PAX2: variants seen among roughly 807,000 people sequenced by gnomAD.
The protein encoded by PAX2 is paired box protein Pax-2.
PAX2 carries 9 observed loss-of-function variants against 41.7 expected under a neutral mutation model. The ratio of observed to expected loss-of-function variants is 0.22; its 90% CI spans 0.13 to 0.38. The LOEUF is 0.38. Among genes scored for constraint, PAX2 ranks in the 10% least tolerant of loss-of-function variants. PAX2 has a pLI of 1.00. For missense variants in PAX2, 418 were observed against 531.6 expected (o/e 0.79, Z 2.10); for synonymous variants, 221 against 212.7 (o/e 1.04, Z -0.34).
rs1257069114 is a variant in PAX2, at chr10:100,828,963, G to C, written c.*1344G>C. 5.9e-6 allele frequency: 1 copy of C among 169,514 alleles called. No homozygotes were observed. The highest frequency in any genetic ancestry group is 2.4e-5 in the African/African-American group (1 of 40,908). 10.5% of individuals were successfully genotyped at this position (169,514 alleles called of 1,614,324 possible). A position where few individuals can be genotyped will look rare whatever the true frequency, so the allele number is the denominator to read the frequency against. On this transcript the variant is annotated 3_prime_UTR_variant, in exon 10 of 10. Transcript: ENST00000355243. The surrounding 1 kb of genome is among the most constrained non-coding windows in gnomAD (Gnocchi z 6.5). ...CCCGTAGAGTCCCTGTCGCCCGCCG[G>C]CCCTGCCTGTAGATACGCCCCGCTG...
intron 3 of PAX2, among the ~76,000 whole-genome samples, chr10:100,754,707 A>G (rs762635648): frequency 4.6e-5 from 7 of 152,210 alleles, no homozygotes; most frequent in African/African-American, 1.2e-4. Flanking sequence ...GCTGGGAGCT[A>G]TTAATCCTAG....
intron 7 of PAX2, among the ~76,000 whole-genome samples, chr10:100,814,511 T>C (rs898885097): frequency 1.3e-5 from 2 of 152,200 alleles, no homozygotes; most frequent in African/African-American, 4.8e-5. Context: ...GATTATTGCT[T>C]TGGGGTCCAG....
intron 3 of PAX2, among the ~76,000 whole-genome samples, chr10:100,763,442 T>A (rs548096244): frequency 6.6e-6 from 1 of 152,330 alleles, no homozygotes; most frequent in Non-Finnish European, 1.5e-5. Flanking sequence ...TTAGAAAGCA[T>A]CTTTGATGTG....
At chr10:100,759,655 C>T (rs757992230) in intron 3 of PAX2, among the ~76,000 whole-genome samples, 1 of 152,190 alleles carries the variant, frequency 6.6e-6, no homozygotes, top group Admixed American at 6.5e-5. Flanking sequence ...AGGGACAGGA[C>T]CGGTGGCTCC....
chr10:100,781,274 C>T lies in PAX2; in HGVS notation c.525C>T (p.Ser175=). The change falls in exon 5 of 10, where the codon TCC becomes TCT. Residue 175 remains serine (S), a synonymous_variant. Transcript: ENST00000355243. The part of the protein sequence containing the change: ...IVPSTASPPV[S]SASNDPVGSY... ...CCAGCACGGCCTCCCCTCCTGTTTC[C>T]AGCGCCTCCAATGACCCAGTGGGAT... 1 of 1,613,848 alleles carries T rather than the reference C, an allele frequency of 6.2e-7. No homozygotes were observed. Among genetic ancestry groups the T allele is most frequent in the Non-Finnish European group, 8.5e-7 (1 of 1,179,730 alleles).
Position 100,750,586 on chromosome 10 carries a change from C to A in PAX2, c.213-108C>A. On this transcript the variant is annotated intron_variant, in intron 2 of 9. Transcript: ENST00000355243. The surrounding 1 kb of genome is among the most constrained non-coding windows in gnomAD (Gnocchi z 4.1). The stretch of plus-strand genomic sequence containing the variant: ...CCACACTGGGCCTTTTCCCTCCACT[C>A]CGCTGCCTCGGCCGGGCAGGAGAGT... 9.9e-7 allele frequency: 1 copy of A among 1,006,156 alleles called. No homozygotes were observed. The highest frequency in any genetic ancestry group is 2.6e-4 in the Middle Eastern group (1 of 3,850). The allele number at this position is 1,006,156 out of a possible 1,614,324, so 62.3% of individuals were successfully genotyped here. A position where few individuals can be genotyped will look rare whatever the true frequency, so the allele number is the denominator to read the frequency against.
upstream of PAX2, among the ~76,000 whole-genome samples, chr10:100,741,539 G>T (rs755329378): frequency 2.0e-5 from 3 of 152,162 alleles, no homozygotes; most frequent in Non-Finnish European, 4.4e-5. Flanking sequence ...TCTGCGGAAG[G>T]GGCTGGGGTG....
At chr10:100,796,261 T>C (rs531441275) in intron 5 of PAX2, among the ~76,000 whole-genome samples, 2 of 152,244 alleles carry the variant, frequency 1.3e-5, no homozygotes, top group Non-Finnish European at 2.9e-5. Flanking sequence ...CTTTCTTTTT[T>C]GTGTATATAT....
rs187143731 is a variant in PAX2, at chr10:100,799,979, G to T, written c.617-6451G>T. The stretch of plus-strand genomic sequence containing the variant: ...TTTTTGTATTTTTAGTAGAGATGGG[G>T]TTTTACCATGTTGGCCAGGCTGGTC... On this transcript the variant is annotated intron_variant, in intron 5 of 9. Transcript: ENST00000355243. Among the ~76,000 whole-genome samples, 172 of 151,992 alleles carry T rather than the reference G, an allele frequency of 1.1e-3. 2 individuals are homozygous for T. The highest frequency in any genetic ancestry group is 6.8e-3 in the Middle Eastern group (2 of 294).
At chr10:100,785,875 T>C (rs1846832254) in intron 5 of PAX2, among the ~76,000 whole-genome samples, 1 of 152,184 alleles carries the variant, frequency 6.6e-6, no homozygotes, top group African/African-American at 2.4e-5. Context: ...TGAATCCTGG[T>C]GCCCCTCACT....
intron 3 of PAX2, among the ~76,000 whole-genome samples, chr10:100,752,886 C>T (rs1173409865): frequency 6.6e-6 from 1 of 152,140 alleles, no homozygotes; most frequent in Non-Finnish European, 1.5e-5. Flanking sequence ...CCAGGTGACC[C>T]TAGGATCAAG....
At chr10:100,816,838 G>A (rs1314746649) in intron 7 of PAX2, among the ~76,000 whole-genome samples, 2 of 152,326 alleles carry the variant, frequency 1.3e-5, no homozygotes, top group Non-Finnish European at 2.9e-5. Context: ...GGCAGGCAGG[G>A]AAGGAGGAAA....
At chr10:100,755,061 C>G (rs1845581360) in intron 3 of PAX2, among the ~76,000 whole-genome samples, 1 of 152,224 alleles carries the variant, frequency 6.6e-6, no homozygotes, top group Admixed American at 6.5e-5. Context: ...TCAGAGAAGC[C>G]TCGCTCACCT....
upstream of PAX2, among the ~76,000 whole-genome samples, chr10:100,742,085 G>C (rs1844975079): frequency 6.6e-6 from 1 of 151,560 alleles, no homozygotes; most frequent in African/African-American, 2.4e-5. Flanking sequence ...TGGGCCCCGG[G>C]TCAGGGCCCT....
chr10:100,762,707 A>C (rs1325923457), intron 3 of PAX2, among the ~76,000 whole-genome samples: 1 of 152,220 alleles, frequency 6.6e-6, no homozygotes, highest in Admixed American at 6.5e-5. Context: ...GGTAGGAGAA[A>C]TGATAAAAGA....
Position 100,798,104 on chromosome 10 carries a change from CTTTTTTTTT to C in PAX2, c.617-8310_617-8302del, listed in dbSNP as rs11314855. Among the ~76,000 whole-genome samples the C allele has an allele frequency of 2.1e-3, 186 of 86,552 alleles. 2 individuals carry two copies. The highest frequency in any genetic ancestry group is 7.9e-3 in the African/African-American group (183 of 23,132). 56.8% of individuals were successfully genotyped at this position (86,552 alleles called of 152,430 possible). On this transcript the variant is annotated intron_variant, in intron 5 of 9. Transcript: ENST00000355243. ...TCCAAAGCCTTCTTCATGTCCACCT[CTTTTTTTTT>C]TTTTTTTTTTTTTTTAGACAGGGTC...
At position 100,826,893 on chromosome 10, in the gene PAX2, G is replaced by A; in HGVS notation, c.1022-116G>A. 3 of 748,938 alleles carry A rather than the reference G, an allele frequency of 4.0e-6. No individual in the cohort carries two copies. Among genetic ancestry groups the A allele is most frequent in the Admixed American group, 1.9e-5 (1 of 51,358 alleles). The allele number at this position is 748,938 out of a possible 1,614,324, so 46.4% of individuals were successfully genotyped here. On this transcript the variant is annotated intron_variant, in intron 8 of 9. Transcript: ENST00000355243. This position sits in a 1 kb window ranked among gnomAD's most constrained non-coding sequence, Gnocchi z 5.5. The stretch of plus-strand genomic sequence containing the variant: ...GCCCGCCACGGCCATTACCCTGCCC[G>A]CGACACCTGCGCCTGAGACCCGGCG...
chr10:100,782,915 A>G (rs1036836008), intron 5 of PAX2, among the ~76,000 whole-genome samples: 3 of 152,234 alleles, frequency 2.0e-5, no homozygotes, highest in Non-Finnish European at 4.4e-5. Flanking sequence ...CTCTCCCTTA[A>G]CCAGCAGCCC....
intron 3 of PAX2, among the ~76,000 whole-genome samples, chr10:100,756,073 A>G (rs1845614998): frequency 6.6e-6 from 1 of 152,112 alleles, no homozygotes; most frequent in Non-Finnish European, 1.5e-5. Flanking sequence ...CACATGGGAG[A>G]GTGTGACTAT....
Sources: gnomAD v4.1 joint callset for allele counts (sites outside exome capture counted in the v4.1 genomes callset) on GRCh38, gnomAD v4.1.1 for gene constraint, Gnocchi (gnomAD v3.1) non-coding constraint, MANE v1.5 for transcripts, NCBI Gene and HGNC (gene_info 2026-07-23, HGNC 2026-07-21) for gene names.